The following MYO16 variants were observed in gnomAD, a reference collection of about 807,000 sequenced individuals.
The protein encoded by MYO16 is unconventional myosin-XVI.
MYO16 carries 94 observed loss-of-function variants against 205.3 expected under a neutral mutation model. The ratio of observed to expected loss-of-function variants is 0.46; its 90% CI spans 0.39 to 0.54. MYO16 has a LOEUF of 0.54. Among genes scored for constraint, MYO16 ranks in the 20% least tolerant of loss-of-function variants. MYO16 has a pLI of 0.00. For synonymous variants in MYO16, 988 were observed against 954.0 expected (o/e 1.04, Z -0.66); for missense variants, 2,315 against 2,387.5 (o/e 0.97, Z 0.63).
intron 2 of MYO16, among the ~76,000 whole-genome samples, chr13:108,684,928 T>C (rs1275171911): frequency 6.6e-6 from 1 of 152,110 alleles, no homozygotes; most frequent in African/African-American, 2.4e-5. Flanking sequence ...GTACCCTTTA[T>C]AGTAAATGGT....
intron 34 of MYO16, among the ~76,000 whole-genome samples, chr13:109,204,147 T>C (rs921583474): frequency 6.6e-6 from 1 of 152,200 alleles, no homozygotes; most frequent in Non-Finnish European, 1.5e-5. Context: ...TTTTTTGAAA[T>C]TTTTACAACA....
chr13:108,611,372 A>G (rs975333468), intron 1 of MYO16, among the ~76,000 whole-genome samples: 2 of 152,208 alleles, frequency 1.3e-5, no homozygotes, highest in African/African-American at 4.8e-5. Flanking sequence ...AACAAATGAA[A>G]AAGGAATTAA....
chr13:108,823,010 T>C, intron 8 of MYO16, 115 bp from the exon 9 acceptor site: 3 of 1,001,680 alleles, frequency 3.0e-6, no homozygotes, highest in East Asian at 2.4e-5. Context: ...TTGTTTTGAT[T>C]CATACATTGA....
upstream of MYO16, chr13:108,629,388 G>A (rs1238263662): frequency 6.5e-6 from 1 of 154,468 alleles, no homozygotes; most frequent in Non-Finnish European, 1.4e-5. Flanking sequence ...GAAGATTTAG[G>A]ATCCTTCTAT....
intron 14 of MYO16, among the ~76,000 whole-genome samples, chr13:108,897,013 G>A (rs951757786): frequency 8.6e-5 from 13 of 151,448 alleles, no homozygotes; most frequent in Non-Finnish European, 1.8e-4. Context: ...AAAATAAAAA[G>A]TAAATTTTTT....
chr13:109,099,201 G>A (rs1301923772), intron 27 of MYO16, among the ~76,000 whole-genome samples: 1 of 152,168 alleles, frequency 6.6e-6, no homozygotes, highest in Non-Finnish European at 1.5e-5. Context: ...GGTGTTGTGA[G>A]TTGCCTCTGC....
chr13:109,097,550 C>T (rs773052733), intron 27 of MYO16, among the ~76,000 whole-genome samples: 2 of 152,210 alleles, frequency 1.3e-5, no homozygotes, highest in Non-Finnish European at 2.9e-5. Flanking sequence ...ATAAAACACA[C>T]AGCTACCAAC....
chr13:109,162,424 G>C lies in MYO16; in HGVS notation c.5165-2477G>C, dbSNP rs1878432320. 6.6e-6 allele frequency among the ~76,000 whole-genome samples: 1 copy of C among 152,174 alleles called. No homozygotes were observed. Among genetic ancestry groups the C allele is most frequent in the African/African-American group, 2.4e-5 (1 of 41,446 alleles). On this transcript the variant is annotated intron_variant, in intron 32 of 34. Coordinates refer to ENST00000457511, the MANE Select transcript of MYO16 (RefSeq NM_001198950.3). This position sits in a 1 kb window ranked among gnomAD's most constrained non-coding sequence, Gnocchi z 4.6. ...CTGACTCATTAGTACCTGGTTTCTT[G>C]AACATGGTGAGCTCTTTCCTGCTTT...
intron 16 of MYO16, among the ~76,000 whole-genome samples, chr13:108,943,469 T>A (rs769429416): frequency 6.6e-6 from 1 of 152,120 alleles, no homozygotes; most frequent in Non-Finnish European, 1.5e-5. Flanking sequence ...TTTTTTTTAT[T>A]TTTTTTGAGA....
At chr13:108,504,862 A>G in the MYO16 span, among the ~76,000 whole-genome samples, 1 of 152,194 alleles carries the variant, frequency 6.6e-6, no homozygotes, top group South Asian at 2.1e-4. Context: ...TGCTGTTTCT[A>G]TGAGTTGACT....
intron 9 of MYO16, among the ~76,000 whole-genome samples, chr13:108,843,228 C>T (rs1169454107): frequency 6.6e-6 from 1 of 151,654 alleles, no homozygotes; most frequent in Non-Finnish European, 1.5e-5. Context: ...TATCTAATCA[C>T]ATTATACACC....
At chr13:109,019,682 A>T in intron 22 of MYO16, 29 bp from the exon 23 acceptor site, 1 of 1,564,560 alleles carries the variant, frequency 6.4e-7, no homozygotes, top group Admixed American at 1.7e-5. Flanking sequence ...AATAGACAAA[A>T]CAACTCCCCA....
the MYO16 span, among the ~76,000 whole-genome samples, chr13:108,509,241 T>C: frequency 0.69 from 104,907 of 152,066 alleles, 36,889 homozygotes; most frequent in African/African-American, 0.81. Context: ...CCCAGATAAA[T>C]ATCAACTTGC....
intron 4 of MYO16, among the ~76,000 whole-genome samples, chr13:108,744,326 C>T (rs1884995589): frequency 6.6e-6 from 1 of 152,158 alleles, no homozygotes; most frequent in South Asian, 2.1e-4. Context: ...CTAAATTCTA[C>T]TCATAGTCAC....
intron 28 of MYO16, among the ~76,000 whole-genome samples, chr13:109,112,961 C>CA: frequency 6.6e-6 from 1 of 152,232 alleles, no homozygotes; most frequent in Admixed American, 6.5e-5. Context: ...GTTGAATAGT[C>CA]AGACAGATAC....
intron 15 of MYO16, among the ~76,000 whole-genome samples, chr13:108,900,995 A>G (rs1031509402): frequency 2.0e-5 from 3 of 152,164 alleles, no homozygotes; most frequent in South Asian, 2.1e-4. Flanking sequence ...TTACGGTTGT[A>G]GCAGAGGGAT....
the MYO16 span, among the ~76,000 whole-genome samples, chr13:108,548,347 G>T: frequency 4.0e-5 from 6 of 151,482 alleles, no homozygotes; most frequent in African/African-American, 1.5e-4. Context: ...TGAGAATGAT[G>T]ACGCTGACGA....
chr13:108,775,967 C>A (rs1051158749), intron 4 of MYO16, among the ~76,000 whole-genome samples: 1 of 152,168 alleles, frequency 6.6e-6, no homozygotes, highest in African/African-American at 2.4e-5. Flanking sequence ...GGTTTGAAAT[C>A]CCTGAGTCTC....
At chr13:108,596,712 C>CT (rs999211594) in intron 1 of MYO16, among the ~76,000 whole-genome samples, 25 of 151,956 alleles carry the variant, frequency 1.6e-4, no homozygotes, top group East Asian at 5.8e-4. Context: ...AAACTGACAC[C>CT]TTTTTTTTAC....
Sources: allele counts gnomAD v4.1 joint callset (sites outside exome capture counted in the v4.1 genomes callset), GRCh38; gene constraint gnomAD v4.1.1; non-coding constraint Gnocchi (gnomAD v3.1); transcripts MANE v1.5; gene names NCBI Gene and HGNC (gene_info 2026-07-23, HGNC 2026-07-21).